The following MLLT1 variants were observed in gnomAD, a reference collection of about 807,000 sequenced individuals.
MLLT1 encodes MLLT1 super elongation complex subunit.
A neutral mutation model predicts 55.1 loss-of-function variants in MLLT1; 11 were observed. The observed-to-expected ratio is 0.20, with a 90% CI of 0.13 to 0.33. The LOEUF (loss-of-function observed/expected upper bound fraction) is 0.33, where lower values mean the gene tolerates loss of function less well. MLLT1 is among the 10% of genes least tolerant of loss of function. The probability of loss-of-function intolerance (pLI) is 1.00; values close to 1 mark genes in which losing one functional copy is unlikely to be tolerated. For synonymous variants in MLLT1, 323 were observed against 320.1 expected (o/e 1.01, Z -0.10); for missense variants, 536 against 760.6 (o/e 0.70, Z 3.47).
intron 3 of MLLT1, among the ~76,000 whole-genome samples, chr19:6,244,377 A>G (rs1022437074): frequency 1.3e-5 from 2 of 150,484 alleles, no homozygotes; most frequent in African/African-American, 4.9e-5. Flanking sequence ...AAAAAAAAAA[A>G]CCCTCATTTG....
intron 3 of MLLT1, among the ~76,000 whole-genome samples, chr19:6,239,829 C>T (rs1273737254): frequency 6.6e-6 from 1 of 152,176 alleles, no homozygotes; most frequent in Admixed American, 6.5e-5. Context: ...GACTCACGCA[C>T]ACAGAGAACT....
At chr19:6,236,246 G>A (rs956812160) in intron 3 of MLLT1, among the ~76,000 whole-genome samples, 1 of 152,230 alleles carries the variant, frequency 6.6e-6, no homozygotes, top group Admixed American at 6.5e-5. Context: ...GTGTCACAGT[G>A]TCTGCAGAGC....
chr19:6,231,963 G>A lies in MLLT1; in HGVS notation c.277-1250C>T, dbSNP rs186291988. Among the ~76,000 whole-genome samples, 886 of 152,210 alleles carry A rather than the reference G, an allele frequency of 5.8e-3. 2 individuals carry two copies. The highest frequency in any genetic ancestry group is 9.4e-3 in the Non-Finnish European group (641 of 68,004). On this transcript the variant is annotated intron_variant, in intron 3 of 11. Coordinates refer to ENST00000252674, the MANE Select transcript of MLLT1 (RefSeq NM_005934.4). The surrounding 1 kb of genome is among the most constrained non-coding windows in gnomAD (Gnocchi z 5.1). ...TGGAAACAACGTGCATGGGCCGGGC[G>A]CGGTGGCTCACGCCTGTAACCCAGA...
chr19:6,245,752 C>CA (rs751617271), intron 3 of MLLT1, among the ~76,000 whole-genome samples: 58 of 151,392 alleles, frequency 3.8e-4, no homozygotes, highest in Non-Finnish European at 6.3e-4. Context: ...AAGAAAAACT[C>CA]ACTGGGTGTG....
chr19:6,237,851 C>G (rs566980650), intron 3 of MLLT1, among the ~76,000 whole-genome samples: 1 of 151,982 alleles, frequency 6.6e-6, no homozygotes, highest in Admixed American at 6.6e-5. Flanking sequence ...CCTGCAATCC[C>G]GGCACTTTGG....
rs1363446650 is a variant in MLLT1, at chr19:6,262,183, G to C, written c.276+45C>G. 3.3e-6 allele frequency: 5 copies of C among 1,511,844 alleles called. No individual in the cohort carries two copies. The African/African-American group carries it at 4.1e-5, about 12-fold the overall frequency. The allele number at this position is 1,511,844 out of a possible 1,614,324, so 93.7% of individuals were successfully genotyped here. On this transcript the variant is annotated intron_variant, in intron 3 of 11. Transcript: ENST00000252674. This position sits in a 1 kb window ranked among gnomAD's most constrained non-coding sequence, Gnocchi z 4.4. ...AACTGCCGTGGCACCCGGAGCAGGG[G>C]TCCCCACAGAGAGGCATCCTGCTTG...
At chr19:6,272,842 C>T (rs2091406018) in intron 1 of MLLT1, among the ~76,000 whole-genome samples, 2 of 152,230 alleles carry the variant, frequency 1.3e-5, no homozygotes, top group Admixed American at 1.3e-4. Flanking sequence ...GGCTGAGGGT[C>T]TGTGCGCACA....
Position 6,279,964 on chromosome 19 carries a change from C to T in MLLT1, c.-180G>A, listed in dbSNP as rs1051285459. 1.9e-5 allele frequency: 3 copies of T among 161,330 alleles called. No homozygotes were observed. Among genetic ancestry groups the T allele is most frequent in the Non-Finnish European group, 3.9e-5 (3 of 76,288 alleles). 10.0% of individuals were successfully genotyped at this position (161,330 alleles called of 1,614,324 possible). A position where few individuals can be genotyped will look rare whatever the true frequency, so the allele number is the denominator to read the frequency against. ...CCGCGGAACCGGAAACCACCGCCAG[C>T]CCGGGTCGCGCACCGATCACGGGCC... On this transcript the variant is annotated 5_prime_UTR_variant, in exon 1 of 12. Transcript: ENST00000252674.
At chr19:6,252,456 G>A (rs1218731713) in intron 3 of MLLT1, among the ~76,000 whole-genome samples, 1 of 152,100 alleles carries the variant, frequency 6.6e-6, no homozygotes, top group Non-Finnish European at 1.5e-5. Context: ...ATTTTGTCTG[G>A]AGAAAAAACC....
rs2091036949 is a variant in MLLT1, at chr19:6,234,017, G to T, written c.277-3304C>A. Among the ~76,000 whole-genome samples the T allele has an allele frequency of 3.3e-5, 5 of 152,326 alleles. No homozygotes were observed. In the South Asian group the frequency reaches 1.0e-3, roughly 32 times the overall value. ...GTGAGCCAACTGAGTGAGATGCTAG[G>T]GCAGACTGGAGGGGGGATGGTCCAG... On this transcript the variant is annotated intron_variant, in intron 3 of 11. Transcript: ENST00000252674.
chr19:6,231,095 T>G lies in MLLT1; in HGVS notation c.277-382A>C, dbSNP rs1174331489. On this transcript the variant is annotated intron_variant, in intron 3 of 11. Transcript: ENST00000252674. This position sits in a 1 kb window ranked among gnomAD's most constrained non-coding sequence, Gnocchi z 5.1. ...CCCCAGGCCTCTGAGGCCCACAATCTCACCACCTCTATTCCCCACTTCCTT... is the reference window on the plus strand; with the variant it reads ...CCCCAGGCCTCTGAGGCCCACAATCGCACCACCTCTATTCCCCACTTCCTT... Among the ~76,000 whole-genome samples the G allele has an allele frequency of 6.6e-6, 1 of 151,938 alleles. No individual in the cohort carries two copies. The highest frequency in any genetic ancestry group is 2.4e-5 in the African/African-American group (1 of 41,364).
In MLLT1 at chr19:6,213,945, G is replaced by C; in HGVS notation, c.1401C>G (p.Asn467Lys). 6.9e-7 allele frequency: 1 copy of C among 1,450,624 alleles called. No homozygotes were observed. Among genetic ancestry groups the C allele is most frequent in the Non-Finnish European group, 9.1e-7 (1 of 1,092,946 alleles). The allele number at this position is 1,450,624 out of a possible 1,614,324, so 89.9% of individuals were successfully genotyped here. ...PPPPQKPPPP[N>K]SKVSGRRSPE... is the part of the protein sequence containing the mutation. ...CTGCAGGCCCCAGGCTCACCTTGCT[G>C]TTGGGCGGGGGTGGCTTCTGGGGGG... Residue 467 changes from asparagine to lysine, a missense_variant, in exon 9 of 12, where the codon AAC (asparagine) becomes AAG (lysine). This residue lies in a region of MLLT1 where 449 missense variants were observed against 489.0 expected (regional missense o/e 0.92). Transcript: ENST00000252674.
Position 6,235,375 on chromosome 19 carries a change from G to C in MLLT1, c.277-4662C>G, listed in dbSNP as rs1392068055. Reference sequence around the variant, plus strand: ...GCCTCAGGTTCCTCACGGGCAGCATGGGGGGATTCGCTGCAATGCCACAGC... The same window carrying C: ...GCCTCAGGTTCCTCACGGGCAGCATCGGGGGATTCGCTGCAATGCCACAGC... On this transcript the variant is annotated intron_variant, in intron 3 of 11. Coordinates refer to ENST00000252674, the MANE Select transcript of MLLT1 (RefSeq NM_005934.4). This position sits in a 1 kb window ranked among gnomAD's most constrained non-coding sequence, Gnocchi z 5.5. 6.6e-6 allele frequency among the ~76,000 whole-genome samples: 1 copy of C among 152,200 alleles called. No homozygotes were observed. Among genetic ancestry groups the C allele is most frequent in the African/African-American group, 2.4e-5 (1 of 41,456 alleles).
At chr19:6,278,438 A>G (rs376324448) in intron 1 of MLLT1, among the ~76,000 whole-genome samples, 20 of 149,770 alleles carry the variant, frequency 1.3e-4, no homozygotes, top group African/African-American at 4.7e-4. Flanking sequence ...GAGGTTGGGG[A>G]ACCCACCCAC....
At chr19:6,244,743 A>G (rs767482621) in intron 3 of MLLT1, among the ~76,000 whole-genome samples, 6 of 152,158 alleles carry the variant, frequency 3.9e-5, no homozygotes, top group Non-Finnish European at 8.8e-5. Flanking sequence ...AAAACAGCTA[A>G]CCCAATTTTT....
chr19:6,277,701 C>T (rs910265855), intron 1 of MLLT1, among the ~76,000 whole-genome samples: 2 of 152,254 alleles, frequency 1.3e-5, no homozygotes, highest in Middle Eastern at 3.4e-3. Context: ...GGAACAGACA[C>T]GCTTCGGCCT....
intron 3 of MLLT1, among the ~76,000 whole-genome samples, chr19:6,253,660 C>A (rs528263193): frequency 2.6e-5 from 4 of 152,072 alleles, no homozygotes; most frequent in African/African-American, 9.7e-5. Flanking sequence ...GAATGCAAGG[C>A]GGCAGGGGGT....
chr19:6,267,733 A>G (rs1309620857), intron 2 of MLLT1, among the ~76,000 whole-genome samples: 2 of 151,928 alleles, frequency 1.3e-5, no homozygotes, highest in Non-Finnish European at 2.9e-5. Flanking sequence ...CTAGTTCCCA[A>G]CTCTTACAGT....
At chr19:6,254,771 G>C (rs557364289) in intron 3 of MLLT1, among the ~76,000 whole-genome samples, 1 of 152,120 alleles carries the variant, frequency 6.6e-6, no homozygotes, top group African/African-American at 2.4e-5. Context: ...AAAAAGGCTG[G>C]AAACTCTTCC....
Sources: gnomAD v4.1 joint callset for allele counts (sites outside exome capture counted in the v4.1 genomes callset) on GRCh38, gnomAD v4.1.1 for gene constraint, gnomAD v4.1.1 regional missense constraint, Gnocchi (gnomAD v3.1) non-coding constraint, MANE v1.5 for transcripts, NCBI Gene and HGNC (gene_info 2026-07-23, HGNC 2026-07-21) for gene names.